Variants in CORO2B observed in about 807,000 individuals in gnomAD.
The protein encoded by CORO2B is coronin-2B.
In CORO2B, 26 loss-of-function variants were observed where a neutral mutation model predicts 58.8. The ratio of observed to expected loss-of-function variants is 0.44; its 90% CI spans 0.32 to 0.61. CORO2B has a LOEUF of 0.61. Ranked by LOEUF, CORO2B falls within the 20% of genes least tolerant of loss-of-function variation. CORO2B has a pLI of 0.04. For missense variants in CORO2B, 460 were observed against 645.1 expected, an observed-to-expected ratio of 0.71 and a Z score of 3.11; for synonymous variants, 242 against 253.8, an observed-to-expected ratio of 0.95 and a Z score of 0.44.
Position 68,711,592 on chromosome 15 carries a change from C to T in CORO2B, c.534C>T (p.Cys178=), listed in dbSNP as rs371358388. The change falls in exon 5 of 12, where the codon TGC becomes TGT. Residue 178 remains cysteine (C), a synonymous_variant. Transcript: ENST00000261861. ...DVGEPVKMID[C]HTDVILCMSF... ...GTGAGCCGGTGAAGATGATTGACTG[C>T]CACACGGATGTGATCCTCTGCATGT... The T allele has an allele frequency of 2.7e-5, 43 of 1,613,912 alleles. No individual in the cohort carries two copies. Among genetic ancestry groups the T allele is most frequent in the African/African-American group, 1.9e-4 (14 of 75,042 alleles).
intron 2 of CORO2B, among the ~76,000 whole-genome samples, chr15:68,666,490 C>G (rs1902196771): frequency 6.6e-6 from 1 of 152,236 alleles, no homozygotes; most frequent in Non-Finnish European, 1.5e-5. Flanking sequence ...GGACACCATT[C>G]TTTCCTGACA....
intron 1 of CORO2B, among the ~76,000 whole-genome samples, chr15:68,611,952 A>T (rs1441710148): frequency 6.6e-6 from 1 of 151,926 alleles, no homozygotes; most frequent in African/African-American, 2.4e-5. Context: ...TGTATTTTTC[A>T]TAGAGACTGG....
chr15:68,604,122 C>T (rs892199188), intron 1 of CORO2B, among the ~76,000 whole-genome samples: 6 of 152,186 alleles, frequency 3.9e-5, no homozygotes, highest in Non-Finnish European at 5.9e-5. Context: ...GCCCGGCACA[C>T]AGTCAGCACT....
intron 11 of CORO2B, among the ~76,000 whole-genome samples, chr15:68,724,721 TA>T (rs1302692615): frequency 1.3e-5 from 2 of 152,216 alleles, no homozygotes; most frequent in Non-Finnish European, 2.9e-5. Context: ...TTCATTAAAT[TA>T]TGCAATTACA....
At chr15:68,600,229 A>G (rs768369110) in intron 1 of CORO2B, among the ~76,000 whole-genome samples, 4 of 152,112 alleles carry the variant, frequency 2.6e-5, no homozygotes, top group Non-Finnish European at 5.9e-5. Flanking sequence ...TTGTTTTGCA[A>G]ATCTTTCTAA....
At chr15:68,692,303 T>A (rs1304068484) in intron 2 of CORO2B, among the ~76,000 whole-genome samples, 1 of 152,126 alleles carries the variant, frequency 6.6e-6, no homozygotes, top group Non-Finnish European at 1.5e-5. Flanking sequence ...TCTCATTTTT[T>A]AAAAATCATA....
intron 1 of CORO2B, among the ~76,000 whole-genome samples, chr15:68,609,083 G>A (rs1032408671): frequency 6.6e-5 from 10 of 152,216 alleles, no homozygotes; most frequent in African/African-American, 2.2e-4. Flanking sequence ...CCTGCACGGT[G>A]CACTGGGTTC....
chr15:68,718,415 G>T (rs1244298368), intron 8 of CORO2B, among the ~76,000 whole-genome samples: 2 of 152,138 alleles, frequency 1.3e-5, no homozygotes, highest in African/African-American at 4.8e-5. Context: ...AAAGGAGTGG[G>T]CTAGATTCAA....
At chr15:68,602,698 A>G (rs1317842896) in intron 1 of CORO2B, among the ~76,000 whole-genome samples, 1 of 150,474 alleles carries the variant, frequency 6.6e-6, no homozygotes, top group African/African-American at 2.4e-5. Context: ...TAGGGATGAT[A>G]GATGTGAGGT....
intron 1 of CORO2B, among the ~76,000 whole-genome samples, chr15:68,637,973 G>A (rs769349630): frequency 1.5e-4 from 23 of 152,216 alleles, no homozygotes; most frequent in Non-Finnish European, 2.8e-4. Context: ...TTGCTTCCAT[G>A]TGGAGTGTAC....
chr15:68,633,510 A>AACAC (rs1322123149), intron 1 of CORO2B, among the ~76,000 whole-genome samples: 1 of 51,756 alleles, frequency 1.9e-5, no homozygotes, highest in African/African-American at 8.5e-5. Flanking sequence ...TGGTTACTCC[A>AACAC]ACATACACAC....
chr15:68,573,256 A>G, the CORO2B span, among the ~76,000 whole-genome samples: 273 of 152,264 alleles, frequency 1.8e-3, 2 homozygotes, highest in African/African-American at 6.5e-3. Flanking sequence ...CACGGAGAAA[A>G]GGCAAGAGAG....
chr15:68,719,232 G>C lies in CORO2B; in HGVS notation c.1169G>C (p.Arg390Pro). ...TPDEWLGGIN[R>P]DPVLMSLKEG... ...GATGAATGGCTGGGAGGCATCAACC[G>C]AGGTACCACAGCGGGGGGCTCCACA... Residue 390 changes from arginine to proline, a missense_variant and splice_region_variant, in exon 10 of 12, where the codon CGA becomes CCA. Arg to Pro is a moderately radical substitution (Grantham distance 103). Coordinates refer to ENST00000261861, the MANE Select transcript of CORO2B (RefSeq NM_006091.5). 1.2e-6 allele frequency: 2 copies of C among 1,613,838 alleles called. No individual in the cohort carries two copies. Among genetic ancestry groups the C allele is most frequent in the Non-Finnish European group, 8.5e-7 (1 of 1,179,882 alleles).
intron 1 of CORO2B, among the ~76,000 whole-genome samples, chr15:68,632,738 G>C (rs971709856): frequency 1.1e-4 from 17 of 152,212 alleles, no homozygotes; most frequent in African/African-American, 3.9e-4. Flanking sequence ...CTATAGGTGC[G>C]CGCTAGCACG....
the CORO2B span, among the ~76,000 whole-genome samples, chr15:68,548,990 A>G: frequency 0.026 from 3,994 of 152,208 alleles, 91 homozygotes; most frequent in Middle Eastern, 0.088. Context: ...ATTTTTTCCT[A>G]TTGGTTTATG....
intron 2 of CORO2B, among the ~76,000 whole-genome samples, chr15:68,654,923 C>T (rs1028990314): frequency 3.1e-4 from 47 of 152,158 alleles, no homozygotes; most frequent in African/African-American, 8.4e-4. Context: ...TGAGCTACCT[C>T]GAGGGGAAGG....
At chr15:68,563,793 TAGAA>T in the CORO2B span, among the ~76,000 whole-genome samples, 2 of 152,076 alleles carry the variant, frequency 1.3e-5, no homozygotes, top group African/African-American at 4.8e-5. Flanking sequence ...CGCAAATTCC[TAGAA>T]AGAACTACAA....
At chr15:68,676,671 G>A (rs766886754) in intron 2 of CORO2B, among the ~76,000 whole-genome samples, 1 of 152,218 alleles carries the variant, frequency 6.6e-6, no homozygotes. Flanking sequence ...TGCGCACACC[G>A]CAGCCACCTG....
the CORO2B span, among the ~76,000 whole-genome samples, chr15:68,562,382 C>T: frequency 6.6e-6 from 1 of 152,160 alleles, no homozygotes; most frequent in Admixed American, 6.5e-5. Context: ...ATATTTTTCC[C>T]TTGAACTGGG....
Sources: gnomAD v4.1 joint callset for allele counts (sites outside exome capture counted in the v4.1 genomes callset) on GRCh38, gnomAD v4.1.1 for gene constraint, MANE v1.5 for transcripts, NCBI Gene and HGNC (gene_info 2026-07-23, HGNC 2026-07-21) for gene names.